The following ANKS1B variants were observed in gnomAD, a reference collection of about 807,000 sequenced individuals.
ANKS1B encodes ankyrin repeat and sterile alpha motif domain-containing protein 1B.
In ANKS1B, 36 loss-of-function variants were observed where a neutral mutation model predicts 148.3. The observed-to-expected ratio is 0.24, with a 90% CI of 0.19 to 0.32. The LOEUF is 0.32. Ranked by LOEUF, ANKS1B falls within the 10% of genes least tolerant of loss-of-function variation. ANKS1B has a pLI of 1.00. For synonymous variants in ANKS1B, 542 were observed against 560.8 expected (o/e 0.97, Z 0.47); for missense variants, 1,157 against 1,542.6 (o/e 0.75, Z 4.19).
chr12:99,632,727 C>CTAGATATATATATATATA lies in ANKS1B; in HGVS notation c.1272+22339_1272+22340insTATATATATATATATCTA, dbSNP rs1419756181. Reference sequence around the variant, plus strand: ...TTTGGCCTGTGTCTTCCTTTTCTTTCTATATATATATATATATATATATAT... The same window carrying CTAGATATATATATATATA: ...TTTGGCCTGTGTCTTCCTTTTCTTTCTAGATATATATATATATATATATATATATATATATATATATAT... On this transcript the variant is annotated intron_variant, in intron 9 of 26. Transcript: ENST00000683438. Among the ~76,000 whole-genome samples the CTAGATATATATATATATA allele has an allele frequency of 2.1e-3, 81 of 39,030 alleles. 4 individuals carry two copies. The highest frequency in any genetic ancestry group is 0.012 in the East Asian group (12 of 982). 25.6% of individuals were successfully genotyped at this position (39,030 alleles called of 152,430 possible). A position where few individuals can be genotyped will look rare whatever the true frequency, so the allele number is the denominator to read the frequency against.
intron 10 of ANKS1B, among the ~76,000 whole-genome samples, chr12:99,468,572 T>G (rs12296538): frequency 6.6e-6 from 1 of 151,936 alleles, no homozygotes; most frequent in African/African-American, 2.4e-5. Flanking sequence ...GAATCTACAA[T>G]GAACTCAAAC....
Position 98,744,430 on chromosome 12 carries a change from A to AAAT in ANKS1B, c.*1306_*1308dup, listed in dbSNP as rs2097839608. On this transcript the variant is annotated 3_prime_UTR_variant, in exon 27 of 27. Coordinates refer to ENST00000683438, the MANE Select transcript of ANKS1B (RefSeq NM_001352186.2). The stretch of plus-strand genomic sequence containing the variant: ...ATCAATATCGCTATAATGAACTTCA[A>AAAT]AATGATTCACAATATGATTGTTAGA... The AAAT allele has an allele frequency of 4.9e-6, 4 of 819,440 alleles. No homozygotes were observed. The South Asian group carries it at 2.3e-4, about 46-fold the overall frequency. 50.8% of individuals were successfully genotyped at this position (819,440 alleles called of 1,614,324 possible). A position where few individuals can be genotyped will look rare whatever the true frequency, so the allele number is the denominator to read the frequency against.
At chr12:99,655,008 CT>C (rs754647133) in intron 9 of ANKS1B, 58 bp downstream of exon 9, 17 of 1,505,774 alleles carry the variant, frequency 1.1e-5, no homozygotes, top group Non-Finnish European at 1.5e-5. Flanking sequence ...GAGATTTTAT[CT>C]TAAAAACATA....
intron 17 of ANKS1B, among the ~76,000 whole-genome samples, chr12:98,980,712 C>T (rs551852561): frequency 1.3e-5 from 2 of 152,222 alleles, no homozygotes; most frequent in South Asian, 4.2e-4. Context: ...TTGGTTTTGG[C>T]AGGAAGCCAA....
intron 9 of ANKS1B, among the ~76,000 whole-genome samples, chr12:99,647,245 C>T (rs1367116539): frequency 6.6e-6 from 1 of 152,060 alleles, no homozygotes; most frequent in Non-Finnish European, 1.5e-5. Flanking sequence ...CTTTTCATGT[C>T]AATAAATAGG....
intron 14 of ANKS1B, among the ~76,000 whole-genome samples, chr12:99,229,511 C>A (rs1412027298): frequency 6.6e-6 from 1 of 151,824 alleles, no homozygotes; most frequent in African/African-American, 2.4e-5. Flanking sequence ...ACTTCAGTAT[C>A]AAAAACACTA....
At chr12:99,585,316 C>T (rs935460477) in intron 9 of ANKS1B, among the ~76,000 whole-genome samples, 2 of 152,256 alleles carry the variant, frequency 1.3e-5, no homozygotes, top group East Asian at 3.9e-4. Context: ...CCTTTGACGC[C>T]ATGTCTCACA....
At chr12:99,583,353 C>T (rs1481289767) in intron 9 of ANKS1B, among the ~76,000 whole-genome samples, 5 of 152,086 alleles carry the variant, frequency 3.3e-5, no homozygotes, top group Non-Finnish European at 7.4e-5. Context: ...AGTAGGTCTT[C>T]AGGATAGAAT....
intron 1 of ANKS1B, among the ~76,000 whole-genome samples, chr12:99,971,541 T>C (rs1310518416): frequency 6.6e-6 from 1 of 151,276 alleles, no homozygotes; most frequent in Non-Finnish European, 1.5e-5. Context: ...ATAAAACATT[T>C]CAAATGCAGA....
chr12:99,984,353 CT>C lies in ANKS1B; in HGVS notation c.-117del. 1.4e-6 allele frequency: 1 copy of C among 714,356 alleles called. No individual in the cohort carries two copies. The allele number at this position is 714,356 out of a possible 1,614,324, so 44.3% of individuals were successfully genotyped here. ...GCCCCACCCTAAAATAATGCAAGAG[CT>C]TCAGCACGGAGAGCTCCCTGCAGCC... is the stretch of plus-strand genomic sequence containing the variant. On this transcript the variant is annotated 5_prime_UTR_variant, in exon 1 of 27. Transcript: ENST00000683438.
chr12:98,922,606 C>A (rs1300940909), intron 17 of ANKS1B, among the ~76,000 whole-genome samples: 1 of 152,150 alleles, frequency 6.6e-6, no homozygotes, highest in Non-Finnish European at 1.5e-5. Flanking sequence ...TCAAGCGATT[C>A]TCCTGCCTCA....
At chr12:98,813,316 A>G (rs372016526) in intron 19 of ANKS1B, among the ~76,000 whole-genome samples, 1 of 148,004 alleles carries the variant, frequency 6.8e-6, no homozygotes, top group South Asian at 2.1e-4. Context: ...GGCTTAAGTG[A>G]TTCTCTCACC....
At chr12:99,788,329 G>A (rs2065221584) in intron 4 of ANKS1B, among the ~76,000 whole-genome samples, 1 of 152,164 alleles carries the variant, frequency 6.6e-6, no homozygotes, top group African/African-American at 2.4e-5. Context: ...GCAGAGTTGT[G>A]AAGCCCTAAA....
intron 8 of ANKS1B, among the ~76,000 whole-genome samples, chr12:99,723,848 G>A (rs1055174283): frequency 1.3e-4 from 20 of 152,146 alleles, no homozygotes; most frequent in African/African-American, 4.1e-4. Context: ...AGGCACAGGA[G>A]CGAGCCAGAT....
intron 19 of ANKS1B, among the ~76,000 whole-genome samples, chr12:98,826,042 G>T (rs1354160616): frequency 6.6e-6 from 1 of 152,160 alleles, no homozygotes. Flanking sequence ...GTGGAAATTG[G>T]GGAGTGTTTC....
intron 19 of ANKS1B, among the ~76,000 whole-genome samples, chr12:98,823,790 C>G (rs1021572656): frequency 3.3e-5 from 5 of 152,200 alleles, no homozygotes; most frequent in African/African-American, 1.2e-4. Context: ...CGGTGCCTGG[C>G]CAAAAAAGCC....
chr12:99,811,014 G>C (rs979872425), intron 3 of ANKS1B, among the ~76,000 whole-genome samples: 4 of 151,784 alleles, frequency 2.6e-5, no homozygotes, highest in Non-Finnish European at 1.5e-5. Flanking sequence ...TTTAAAGACT[G>C]GGTGCATTCT....
chr12:99,860,263 T>A (rs1252661428), intron 1 of ANKS1B, among the ~76,000 whole-genome samples: 2 of 151,982 alleles, frequency 1.3e-5, no homozygotes, highest in African/African-American at 4.8e-5. Flanking sequence ...GAACATGAGA[T>A]CTTGAGTGGT....
chr12:98,854,598 G>C (rs2099551993), intron 17 of ANKS1B, among the ~76,000 whole-genome samples: 1 of 152,210 alleles, frequency 6.6e-6, no homozygotes, highest in Middle Eastern at 3.2e-3. Flanking sequence ...CCAAAGCCTA[G>C]ACTTAATTGT....
Sources: allele counts gnomAD v4.1 joint callset (sites outside exome capture counted in the v4.1 genomes callset), GRCh38; gene constraint gnomAD v4.1.1; transcripts MANE v1.5; gene names NCBI Gene and HGNC (gene_info 2026-07-23, HGNC 2026-07-21).